Variants in TRIQK observed in about 807,000 individuals in gnomAD.
TRIQK encodes the protein triple QxxK/R motif containing.
TRIQK carries 10 observed loss-of-function variants against 10.8 expected under a neutral mutation model. The observed-to-expected ratio is 0.92, with a 90% CI of 0.57 to 1.57. TRIQK has a LOEUF of 1.57. Among genes scored for constraint, TRIQK ranks in the 40% most tolerant of loss-of-function variants. The probability of loss-of-function intolerance (pLI) is 0.00; values close to 1 mark genes in which losing one functional copy is unlikely to be tolerated. For synonymous variants in TRIQK, 33 were observed against 33.7 expected (o/e 0.98, Z 0.07); for missense variants, 107 against 97.7 (o/e 1.09, Z -0.40).
At chr8:92,917,107 G>A in intron 2 of TRIQK, 97 bp from the exon 3 acceptor site, 1 of 584,766 alleles carries the variant, frequency 1.7e-6, no homozygotes, top group South Asian at 4.4e-5. Context: ...TTAAAGCAAT[G>A]GGTACAAATA....
chr8:92,904,581 C>T (rs1401376226), intron 3 of TRIQK, among the ~76,000 whole-genome samples: 2 of 152,018 alleles, frequency 1.3e-5, no homozygotes, highest in Non-Finnish European at 2.9e-5. Flanking sequence ...TTAACCAAGC[C>T]AATGCATTTT....
intron 2 of TRIQK, chr8:92,953,876 C>T (rs1338440360): frequency 6.6e-6 from 1 of 151,712 alleles, no homozygotes; most frequent in African/African-American, 2.4e-5. Flanking sequence ...TAAACAGAGG[C>T]CCATATTCTT....
chr8:92,941,123 G>C (rs1811252092), intron 2 of TRIQK: 1 of 152,114 alleles, frequency 6.6e-6, no homozygotes, highest in Admixed American at 6.6e-5. Context: ...CTGAAGTCCA[G>C]TGGCGTGATC....
chr8:93,013,158 A>G (rs1222414230), intron 1 of TRIQK, among the ~76,000 whole-genome samples: 1 of 152,226 alleles, frequency 6.6e-6, no homozygotes, highest in Non-Finnish European at 1.5e-5. Context: ...AATGGTGATT[A>G]GACGAGACGG....
At chr8:92,970,431 G>T (rs1050331422), upstream of TRIQK, among the ~76,000 whole-genome samples, 1 of 152,148 alleles carries the variant, frequency 6.6e-6, no homozygotes, top group Non-Finnish European at 1.5e-5. Context: ...GTGTAAAAGT[G>T]TTCCTATTTC....
intron 3 of TRIQK, among the ~76,000 whole-genome samples, chr8:92,913,652 A>G (rs183962810): frequency 7.2e-5 from 11 of 152,306 alleles, no homozygotes; most frequent in African/African-American, 2.6e-4. Flanking sequence ...TCATTCTACT[A>G]TAAAGACACA....
At chr8:92,994,643 T>A (rs1358186052) in intron 1 of TRIQK, among the ~76,000 whole-genome samples, 2 of 152,012 alleles carry the variant, frequency 1.3e-5, no homozygotes, top group African/African-American at 4.8e-5. Context: ...ACTTTGTTAA[T>A]CTACAAGTCC....
upstream of TRIQK, among the ~76,000 whole-genome samples, chr8:92,966,555 T>A (rs1812759383): frequency 6.6e-6 from 1 of 152,052 alleles, no homozygotes; most frequent in Non-Finnish European, 1.5e-5. Flanking sequence ...ATTAATAAAT[T>A]TAGGAAAGAT....
At chr8:92,920,091 AT>A (rs961828374) in intron 2 of TRIQK, among the ~76,000 whole-genome samples, 1 of 151,056 alleles carries the variant, frequency 6.6e-6, no homozygotes, top group African/African-American at 2.4e-5. Context: ...TGTTTTGTTG[AT>A]TTTTTTTGTA....
rs920350392 is a variant in TRIQK, at chr8:93,001,162, C to T, written c.-181+16447G>A. ...CTCTACTAAAAATACAAAAAATTAG[C>T]GGGGCATGGTGGCGGGTAGCTGTAG... On this transcript the variant is annotated intron_variant, in intron 1 of 4. Coordinates refer to the TRIQK transcript ENST00000520686. Among the ~76,000 whole-genome samples the T allele has an allele frequency of 7.2e-5, 11 of 151,908 alleles. 1 individual carries two copies. The South Asian group carries it at 1.7e-3, about 23-fold the overall frequency.
chr8:93,006,049 A>T (rs1336258726), intron 1 of TRIQK, among the ~76,000 whole-genome samples: 1 of 147,146 alleles, frequency 6.8e-6, no homozygotes, highest in Non-Finnish European at 1.5e-5. Context: ...AAAAAAAAAA[A>T]TCCTATTTAC....
At chr8:92,931,286 C>T (rs1379022595) in intron 2 of TRIQK, among the ~76,000 whole-genome samples, 1 of 152,048 alleles carries the variant, frequency 6.6e-6, no homozygotes, top group African/African-American at 2.4e-5. Flanking sequence ...AATTTATATG[C>T]ATTTTACATT....
At chr8:92,909,570 C>T (rs546643480) in intron 3 of TRIQK, among the ~76,000 whole-genome samples, 2 of 151,856 alleles carry the variant, frequency 1.3e-5, no homozygotes, top group East Asian at 3.9e-4. Context: ...GACATAACAG[C>T]TTGTCATGCA....
In TRIQK at chr8:92,949,782, A is replaced by AAAAGAAAG. The variant is rs80051316; in HGVS notation, c.-22+4616_-22+4623dup. ...GGAAAGAAAGAGAAGGAAAGAAAGAAAAAGAAAGAAAGAAAGAAAGAAAGA... is the reference window on the plus strand; with the variant it reads ...GGAAAGAAAGAGAAGGAAAGAAAGAAAAAGAAAGAAAGAAAGAAAGAAAGAAAGAAAGA... On this transcript the variant is annotated intron_variant, in intron 2 of 4. Transcript: ENST00000521988. 7.4e-3 allele frequency among the ~76,000 whole-genome samples: 532 copies of AAAAGAAAG among 72,014 alleles called. 5 individuals carry two copies. Among genetic ancestry groups the AAAAGAAAG allele is most frequent in the South Asian group, 0.012 (20 of 1,618 alleles). 47.2% of individuals were successfully genotyped at this position (72,014 alleles called of 152,430 possible).
chr8:92,941,647 T>C (rs1180786508), intron 2 of TRIQK, among the ~76,000 whole-genome samples: 3 of 152,108 alleles, frequency 2.0e-5, no homozygotes, highest in African/African-American at 2.4e-5. Context: ...AATGAAGAGT[T>C]AGTTGTTTTT....
At chr8:92,981,520 T>A (rs1020352778) in intron 1 of TRIQK, among the ~76,000 whole-genome samples, 8 of 152,000 alleles carry the variant, frequency 5.3e-5, no homozygotes, top group South Asian at 4.1e-4. Flanking sequence ...ATTTTTTAGT[T>A]TCACCTTATG....
In TRIQK at chr8:92,938,770, A is replaced by G. The variant is rs559305384; in HGVS notation, c.-22+15636T>C. ...CAAGCACACTGAACTTGTCTTCTGCAGTGTCCTATCTGCTGTTAATACCAT... is the reference window on the plus strand; with the variant it reads ...CAAGCACACTGAACTTGTCTTCTGCGGTGTCCTATCTGCTGTTAATACCAT... On this transcript the variant is annotated intron_variant, in intron 2 of 4. Transcript: ENST00000521988. Among the ~76,000 whole-genome samples, 4 of 152,296 alleles carry G rather than the reference A, an allele frequency of 2.6e-5. No individual in the cohort carries two copies. In the South Asian group the frequency reaches 8.3e-4, roughly 32 times the overall value.
intron 2 of TRIQK, among the ~76,000 whole-genome samples, chr8:92,934,425 C>T (rs1021298429): frequency 6.6e-6 from 1 of 151,780 alleles, no homozygotes; most frequent in Non-Finnish European, 1.5e-5. Flanking sequence ...GCATATATAT[C>T]TTAAAACTAA....
chr8:92,912,415 G>A (rs1351962188), intron 3 of TRIQK, among the ~76,000 whole-genome samples: 1 of 151,758 alleles, frequency 6.6e-6, no homozygotes, highest in Admixed American at 6.6e-5. Context: ...ATGGGATACA[G>A]CAAAGGTAGT....
Sources: gnomAD v4.1 joint callset for allele counts (sites outside exome capture counted in the v4.1 genomes callset) on GRCh38, gnomAD v4.1.1 for gene constraint, MANE v1.5 for transcripts, NCBI Gene and HGNC (gene_info 2026-07-23, HGNC 2026-07-21) for gene names.